CBX2: variants seen among roughly 807,000 people sequenced by gnomAD.
The protein encoded by CBX2 is chromobox 2, also known as chromobox protein homolog 2.
In CBX2, 11 loss-of-function variants were observed where a neutral mutation model predicts 21.0. The observed-to-expected ratio is 0.52, with a 90% CI of 0.33 to 0.87. CBX2 has a LOEUF of 0.87. Among genes scored for constraint, CBX2 ranks in the 40% least tolerant of loss-of-function variants. The pLI is 0.02. For synonymous variants in CBX2, 364 were observed against 304.6 expected, an observed-to-expected ratio of 1.19 and a Z score of -2.03; for missense variants, 746 against 724.3, an observed-to-expected ratio of 1.03 and a Z score of -0.34.
In CBX2 at chr17:79,787,355, T is replaced by G. The variant is rs1907707581; in HGVS notation, c.*2313T>G. The G allele has an allele frequency of 6.5e-6, 1 of 152,688 alleles. No homozygotes were observed. The highest frequency in any genetic ancestry group is 1.5e-5 in the Non-Finnish European group (1 of 68,068). The allele number at this position is 152,688 out of a possible 1,614,324, so 9.5% of individuals were successfully genotyped here. On this transcript the variant is annotated 3_prime_UTR_variant, in exon 5 of 5. Coordinates refer to ENST00000310942, the MANE Select transcript of CBX2 (RefSeq NM_005189.3). ...CAGCCGGGTCTCTCCAGACCCTGATTCGGTGCCTTTCTGTTTACCAGCTAC... is the reference window on the plus strand; with the variant it reads ...CAGCCGGGTCTCTCCAGACCCTGATGCGGTGCCTTTCTGTTTACCAGCTAC...
rs782264877 is a variant in CBX2 at position 79,784,298 on chromosome 17, C to T, written c.855C>T (p.Gly285=). 6.2e-7 allele frequency: 1 copy of T among 1,613,126 alleles called. No homozygotes were observed. The highest frequency in any genetic ancestry group is 8.5e-7 in the Non-Finnish European group (1 of 1,179,938). Residue 285 remains glycine (G), a synonymous_variant, in exon 5 of 5, where the codon GGC becomes GGT. Coordinates refer to ENST00000310942, the MANE Select transcript of CBX2 (RefSeq NM_005189.3). This position sits in a 1 kb window ranked among gnomAD's most constrained non-coding sequence, Gnocchi z 5.9. The part of the protein sequence containing the change: ...ALKAQATNKC[G]LGLDLKVRTQ... ...AGGCCCAGGCCACCAACAAGTGCGG[C>T]CTCGGGCTGGACCTGAAGGTGAGGA...
chr17:79,785,402 G>A lies in CBX2; in HGVS notation c.*360G>A. 2.9e-6 allele frequency: 1 copy of A among 340,918 alleles called. No homozygotes were observed. Among genetic ancestry groups the A allele is most frequent in the Non-Finnish European group, 5.6e-6 (1 of 178,248 alleles). 21.1% of individuals were successfully genotyped at this position (340,918 alleles called of 1,614,324 possible). The stretch of plus-strand genomic sequence containing the variant: ...GCTGAGTTTGAACTGCTCCTCCCTG[G>A]CCTGCGTGACTGAATCACAGCTTTG... On this transcript the variant is annotated 3_prime_UTR_variant, in exon 5 of 5. Transcript: ENST00000310942.
upstream of CBX2, among the ~76,000 whole-genome samples, chr17:79,777,618 G>A (rs1280731221): frequency 1.3e-5 from 2 of 150,352 alleles, no homozygotes; most frequent in African/African-American, 4.9e-5. Context: ...CCCCCGACCC[G>A]TTTTGCTCTC....
chr17:79,779,316 G>C (rs782705919), intron 2 of CBX2, 46 bp from the exon 3 acceptor site: 2 of 1,593,596 alleles, frequency 1.3e-6, no homozygotes, highest in African/African-American at 1.3e-5. Flanking sequence ...GCAAAGCGGT[G>C]ATCATCAGCC....
chr17:79,784,898 GT>G lies in CBX2; in HGVS notation c.1456del (p.Ser486ProfsTer32). The G allele has an allele frequency of 6.2e-7, 1 of 1,613,442 alleles. No individual in the cohort carries two copies. Among genetic ancestry groups the G allele is most frequent in the Non-Finnish European group, 8.5e-7 (1 of 1,180,026 alleles). On this transcript the variant is annotated frameshift_variant, in exon 5 of 5. Transcript: ENST00000310942. LOFTEE classifies it high-confidence loss of function. This position sits in a 1 kb window ranked among gnomAD's most constrained non-coding sequence, Gnocchi z 5.9. ...CCAGCACTGGACAGAACCCGTCAGT[GT>G]CCGTTCAGACCAGCCAGGACTGGAA... ...PPSTGQNPSV[S>X]VQTSQDWKPT...
chr17:79,779,596 A>G (rs1555829796), intron 3 of CBX2, 169 bp downstream of exon 3: 1 of 650,666 alleles, frequency 1.5e-6, no homozygotes, highest in African/African-American at 1.8e-5. Context: ...AAAAGTCCCC[A>G]GCCAGCCCCT....
rs1555830987 is a variant in CBX2, at chr17:79,783,877, A to T, written c.434A>T (p.Lys145Met). 1.2e-6 allele frequency: 2 copies of T among 1,613,946 alleles called. No individual in the cohort carries two copies. Among genetic ancestry groups the T allele is most frequent in the Admixed American group, 3.3e-5 (2 of 60,014 alleles). ...RGRETHPVPQ[K>M]KAQILVAKPE... ...CGCGAGACCCACCCAGTGCCGCAGAAGAAGGCCCAGATCCTGGTGGCCAAA... is the reference window on the plus strand; with the variant it reads ...CGCGAGACCCACCCAGTGCCGCAGATGAAGGCCCAGATCCTGGTGGCCAAA... The change falls in exon 5 of 5, where the codon AAG (lysine) becomes ATG (methionine). Residue 145 changes from lysine (K) to methionine (M), a missense_variant. By Grantham distance (95) the Lys-to-Met change is moderately conservative. Coordinates refer to ENST00000310942, the MANE Select transcript of CBX2 (RefSeq NM_005189.3).
At chr17:79,779,242 T>C in intron 2 of CBX2, 120 bp from the exon 3 acceptor site, 2 of 904,108 alleles carry the variant, frequency 2.2e-6, no homozygotes, top group Non-Finnish European at 1.8e-6. Flanking sequence ...GCCATGGTGC[T>C]ACGGTGCCAC....
chr17:79,777,685 G>A (rs1411574211), upstream of CBX2, among the ~76,000 whole-genome samples: 4 of 152,138 alleles, frequency 2.6e-5, no homozygotes, highest in Non-Finnish European at 5.9e-5. Context: ...AGAAGCCGGG[G>A]GAAGGGTGGG....
Position 79,784,165 on chromosome 17 carries a change from T to C in CBX2, c.722T>C (p.Met241Thr), listed in dbSNP as rs1907445693. 1.2e-6 allele frequency: 2 copies of C among 1,612,676 alleles called. No homozygotes were observed. Among genetic ancestry groups the C allele is most frequent in the African/African-American group, 2.7e-5 (2 of 75,050 alleles). ...AACCTGGCCAGCCTAATGAAGGGCA[T>C]GGCCAGTAGCCCCGGCCGGGGTGGC... ...PENLASLMKG[M>T]ASSPGRGGIS... Residue 241 changes from methionine (M) to threonine (T), a missense_variant, in exon 5 of 5, where the codon ATG (methionine) becomes ACG (threonine). By Grantham distance (81) the Met-to-Thr change is moderately conservative. This residue lies in a region of CBX2 where 701 missense variants were observed against 650.7 expected (regional missense o/e 1.08). Coordinates refer to ENST00000310942, the MANE Select transcript of CBX2 (RefSeq NM_005189.3). This position sits in a 1 kb window ranked among gnomAD's most constrained non-coding sequence, Gnocchi z 5.9.
In CBX2 at chr17:79,784,684, T is replaced by G. The variant is rs782650777; in HGVS notation, c.1241T>G (p.Leu414Arg). ...ACCGACACAAGCAAAAGTGAGAAGC[T>G]GGCTTCCAGAGCAGTGGCGCCACCC... is the stretch of plus-strand genomic sequence containing the variant. Reference protein sequence around the residue: ...MPTDTSKSEKLASRAVAPPTP... With the variant: ...MPTDTSKSEKRASRAVAPPTP... Residue 414 changes from leucine to arginine, a missense_variant, in exon 5 of 5, where the codon CTG becomes CGG. Coordinates refer to ENST00000310942, the MANE Select transcript of CBX2 (RefSeq NM_005189.3). The surrounding 1 kb of genome is among the most constrained non-coding windows in gnomAD (Gnocchi z 5.9). 5 of 1,611,818 alleles carry G rather than the reference T, an allele frequency of 3.1e-6. 1 individual carries two copies. In the South Asian group the frequency reaches 5.5e-5, roughly 18 times the overall value.
rs1907229373 is a variant in CBX2, at chr17:79,781,810, C to T, written c.288+9C>T. On this transcript the variant is annotated intron_variant, in intron 4 of 4. Coordinates refer to ENST00000310942, the MANE Select transcript of CBX2 (RefSeq NM_005189.3). ...GGCGCTCCAAGCTCAAGGTGGGTGGCTGCGCTGGGTATGCTGACCCCACCT... is the reference window on the plus strand; with the variant it reads ...GGCGCTCCAAGCTCAAGGTGGGTGGTTGCGCTGGGTATGCTGACCCCACCT... The T allele has an allele frequency of 6.2e-7, 1 of 1,614,050 alleles. No individual in the cohort carries two copies. The highest frequency in any genetic ancestry group is 8.5e-7 in the Non-Finnish European group (1 of 1,179,946).
chr17:79,779,332 T>G (rs782438782), intron 2 of CBX2, 30 bp from the exon 3 acceptor site: 51 of 1,609,550 alleles, frequency 3.2e-5, no homozygotes, highest in Non-Finnish European at 4.3e-5. Context: ...CAGCCTGGCG[T>G]CTAATGCTGC....
chr17:79,778,382 A>G lies in CBX2; in HGVS notation c.73-2A>G. 6.3e-7 allele frequency: 1 copy of G among 1,582,338 alleles called. No individual in the cohort carries two copies. Among genetic ancestry groups the G allele is most frequent in the Non-Finnish European group, 8.6e-7 (1 of 1,169,416 alleles). On this transcript the variant is annotated splice_acceptor_variant, in intron 1 of 4. Coordinates refer to ENST00000310942, the MANE Select transcript of CBX2 (RefSeq NM_005189.3). LOFTEE classifies it high-confidence loss of function. The surrounding 1 kb of genome is among the most constrained non-coding windows in gnomAD (Gnocchi z 4.8). ...CTCACGGCCCCTCTTCTCTCCCCGC[A>G]GGGCAAGCTGGAGTACCTGGTCAAG...
Position 79,778,434 on chromosome 17 carries a change from C to G in CBX2, c.116+7C>G, listed in dbSNP as rs782313701. 7 of 1,535,552 alleles carry G rather than the reference C, an allele frequency of 4.6e-6. No homozygotes were observed. The highest frequency in any genetic ancestry group is 5.2e-6 in the Non-Finnish European group (6 of 1,145,304). ...GGCGCGGCTGGTCCTCCAAGTGAGT[C>G]CCCCGCGACGCCGCGCCCCCCTCCC... On this transcript the variant is annotated splice_region_variant and intron_variant, in intron 2 of 4. Transcript: ENST00000310942. The surrounding 1 kb of genome is among the most constrained non-coding windows in gnomAD (Gnocchi z 4.8).
At position 79,783,785 on chromosome 17, in the gene CBX2, G is replaced by A. The variant is rs139048340; in HGVS notation, c.342G>A (p.Thr114=). 5,578 of 1,571,694 alleles carry A rather than the reference G, an allele frequency of 3.5e-3. 18 individuals are homozygous for A. The highest frequency in any genetic ancestry group is 0.016 in the Middle Eastern group (97 of 6,018). ...SKSSSSSSSS[T]SSSSSSDEED... Reference sequence around the variant, plus strand: ...CCAGCAGTTCCTCCTCTTCCTCCACGTCATCCTCCTCTTCCTCAGATGAAG... The same window carrying A: ...CCAGCAGTTCCTCCTCTTCCTCCACATCATCCTCCTCTTCCTCAGATGAAG... The change falls in exon 5 of 5, where the codon ACG becomes ACA. Residue 114 remains threonine, a synonymous_variant. Coordinates refer to ENST00000310942, the MANE Select transcript of CBX2 (RefSeq NM_005189.3).
rs782749154 is a variant in CBX2 at position 79,784,423 on chromosome 17, C to A, written c.980C>A (p.Pro327His). The A allele has an allele frequency of 6.2e-7, 1 of 1,611,750 alleles. No homozygotes were observed. The highest frequency in any genetic ancestry group is 1.7e-5 in the Admixed American group (1 of 59,868). Residue 327 changes from proline to histidine, a missense_variant, in exon 5 of 5, where the codon CCC (proline) becomes CAC (histidine). By Grantham distance (77) the Pro-to-His change is moderately conservative. Transcript: ENST00000310942. This position sits in a 1 kb window ranked among gnomAD's most constrained non-coding sequence, Gnocchi z 5.9. ...CAGAAAGTGGGGAACACAGGGGGCC[C>A]CCCGCACACCCATGGTGCCAGCAGG... Reference protein sequence around the residue: ...VEQKVGNTGGPPHTHGASRVP... With the variant: ...VEQKVGNTGGHPHTHGASRVP...
At position 79,783,845 on chromosome 17, in the gene CBX2, C is replaced by T. The variant is rs1907416028; in HGVS notation, c.402C>T (p.Pro134=). The change falls in exon 5 of 5, where the codon CCC becomes CCT. Residue 134 remains proline (P), a synonymous_variant. Transcript: ENST00000310942. The stretch of plus-strand genomic sequence containing the variant: ...GTGACTTAGATGCTAAGAGGGGTCC[C>T]CGGGGCCGCGAGACCCACCCAGTGC... The part of the protein sequence containing the change: ...DDSDLDAKRG[P]RGRETHPVPQ... The T allele has an allele frequency of 6.2e-7, 1 of 1,613,000 alleles. No individual in the cohort carries two copies. The highest frequency in any genetic ancestry group is 2.2e-5 in the East Asian group (1 of 44,788).
chr17:79,781,184 A>G (rs570185953), intron 3 of CBX2, among the ~76,000 whole-genome samples: 1 of 152,216 alleles, frequency 6.6e-6, no homozygotes, highest in South Asian at 2.1e-4. Flanking sequence ...GGAAACAAGG[A>G]GAGTCATGTG....
Sources: allele counts gnomAD v4.1 joint callset (sites outside exome capture counted in the v4.1 genomes callset), GRCh38; gene constraint gnomAD v4.1.1; regional missense constraint gnomAD v4.1.1; non-coding constraint Gnocchi (gnomAD v3.1); transcripts MANE v1.5; gene names NCBI Gene and HGNC (gene_info 2026-07-23, HGNC 2026-07-21).